GKAP1: variants seen among roughly 807,000 people sequenced by gnomAD.
The protein encoded by GKAP1 is G kinase-anchoring protein 1.
A neutral mutation model predicts 56.7 loss-of-function variants in GKAP1; 31 were observed. That is an observed-to-expected ratio of 0.55 (90% CI 0.41 to 0.74). The LOEUF is 0.74. Among genes scored for constraint, GKAP1 ranks in the 30% least tolerant of loss-of-function variants. GKAP1 has a pLI of 0.00. For missense variants in GKAP1, 364 were observed against 402.3 expected (o/e 0.90, Z 0.82); for synonymous variants, 151 against 138.6 (o/e 1.09, Z -0.63).
At chr9:83,779,142 A>G (rs1185753699) in intron 7 of GKAP1, among the ~76,000 whole-genome samples, 1 of 152,010 alleles carries the variant, frequency 6.6e-6, no homozygotes, top group African/African-American at 2.4e-5. Context: ...AATCAGTTCA[A>G]AAGTATGTTT....
At chr9:83,753,081 CATAA>C (rs150832700) in intron 9 of GKAP1, among the ~76,000 whole-genome samples, 173 bp downstream of exon 9, 5 of 149,490 alleles carry the variant, frequency 3.3e-5, no homozygotes, top group African/African-American at 1.2e-4. Context: ...ACAACAACAA[CATAA>C]ATAAATAAAT....
intron 2 of GKAP1, among the ~76,000 whole-genome samples, chr9:83,814,417 A>T (rs1216412113): frequency 2.0e-5 from 3 of 152,218 alleles, no homozygotes; most frequent in East Asian, 1.9e-4. Flanking sequence ...AGGTGCTAGC[A>T]TATCTATGAA....
At position 83,779,441 on chromosome 9, in the gene GKAP1, A is replaced by G. The variant is rs1490268614; in HGVS notation, c.585+941T>C. On this transcript the variant is annotated intron_variant, in intron 7 of 12. Coordinates refer to ENST00000376371, the MANE Select transcript of GKAP1 (RefSeq NM_025211.4). ...GGTCAGAAGCCATATATATATATAT[A>G]TATATATACACACACACACACACGC... Among the ~76,000 whole-genome samples the G allele has an allele frequency of 4.1e-5, 4 of 98,272 alleles. No individual in the cohort carries two copies. In the Admixed American group the frequency reaches 4.2e-4, roughly 10 times the overall value. 64.5% of individuals were successfully genotyped at this position (98,272 alleles called of 152,430 possible). A position where few individuals can be genotyped will look rare whatever the true frequency, so the allele number is the denominator to read the frequency against.
At chr9:83,795,012 C>T (rs1400766215) in intron 4 of GKAP1, among the ~76,000 whole-genome samples, 2 of 151,828 alleles carry the variant, frequency 1.3e-5, no homozygotes, top group African/African-American at 2.4e-5. Context: ...AAAAACTAGC[C>T]GGGCGTGGTG....
intron 8 of GKAP1, among the ~76,000 whole-genome samples, chr9:83,758,816 T>C (rs1435292973): frequency 6.6e-6 from 1 of 151,480 alleles, no homozygotes; most frequent in African/African-American, 2.4e-5. Flanking sequence ...ATGCCTAATA[T>C]ATTAATGTAT....
At chr9:83,784,980 T>C (rs1053846592) in intron 5 of GKAP1, 142 bp from the exon 6 acceptor site, 29 of 541,108 alleles carry the variant, frequency 5.4e-5, no homozygotes, top group African/African-American at 5.1e-4. Flanking sequence ...CCAAATTGTA[T>C]AAAGAGATAC....
chr9:83,781,770 T>C (rs937515315), intron 6 of GKAP1, among the ~76,000 whole-genome samples: 2 of 152,144 alleles, frequency 1.3e-5, no homozygotes, highest in African/African-American at 4.8e-5. Context: ...ATTTAAGAAA[T>C]CAAATGTGGA....
chr9:83,761,320 T>A (rs1167057456), intron 8 of GKAP1, among the ~76,000 whole-genome samples: 2 of 151,872 alleles, frequency 1.3e-5, no homozygotes, highest in African/African-American at 4.8e-5. Context: ...AATTGGAAAA[T>A]CTAGAGAAAA....
At chr9:83,812,672 A>G (rs1944528581) in intron 2 of GKAP1, among the ~76,000 whole-genome samples, 1 of 151,846 alleles carries the variant, frequency 6.6e-6, no homozygotes, top group African/African-American at 2.4e-5. Flanking sequence ...AAAAAAAAAG[A>G]AAAACAACCT....
chr9:83,781,558 C>T, intron 6 of GKAP1, among the ~76,000 whole-genome samples: 1 of 152,120 alleles, frequency 6.6e-6, no homozygotes, highest in Non-Finnish European at 1.5e-5. Context: ...TGTCCATAAA[C>T]ACAGTAAATG....
chr9:83,747,096 A>G (rs1283625323), intron 10 of GKAP1, among the ~76,000 whole-genome samples: 2 of 152,216 alleles, frequency 1.3e-5, no homozygotes, highest in Non-Finnish European at 2.9e-5. Context: ...TTTCTCCTTT[A>G]TGTCTTAATC....
chr9:83,786,145 T>C (rs140962189), intron 5 of GKAP1, among the ~76,000 whole-genome samples: 1 of 152,280 alleles, frequency 6.6e-6, no homozygotes, highest in African/African-American at 2.4e-5. Flanking sequence ...ACTGAGAACA[T>C]ACATCTCTCA....
At chr9:83,771,294 G>C (rs1365639585) in intron 7 of GKAP1, among the ~76,000 whole-genome samples, 1 of 151,610 alleles carries the variant, frequency 6.6e-6, no homozygotes, top group Non-Finnish European at 1.5e-5. Context: ...ATGTTGGCCA[G>C]TGGGTCTCAA....
intron 4 of GKAP1, 97 bp downstream of exon 4, chr9:83,799,088 T>C (rs921917781): frequency 2.2e-5 from 22 of 996,006 alleles, no homozygotes; most frequent in Non-Finnish European, 3.0e-5. Context: ...TACAAATTGC[T>C]TCTCAGAACA....
intron 10 of GKAP1, among the ~76,000 whole-genome samples, chr9:83,743,067 G>C (rs1943234934): frequency 6.6e-6 from 1 of 152,140 alleles, no homozygotes; most frequent in African/African-American, 2.4e-5. Flanking sequence ...GAAGGCTGAG[G>C]CATAAGGATC....
chr9:83,806,589 G>T, intron 2 of GKAP1, 29 bp from the exon 3 acceptor site: 1 of 1,257,088 alleles, frequency 8.0e-7, no homozygotes, highest in Non-Finnish European at 1.1e-6. Flanking sequence ...GTAGGCAGAT[G>T]GGTAAACAAA....
At chr9:83,773,639 G>A (rs79968691) in intron 7 of GKAP1, among the ~76,000 whole-genome samples, 1,777 of 152,030 alleles carry the variant, frequency 0.012, 39 homozygotes, top group African/African-American at 0.04. Flanking sequence ...TTCGTGCCTC[G>A]ACAAGGTAAC....
At chr9:83,805,909 G>A (rs541728714) in intron 3 of GKAP1, among the ~76,000 whole-genome samples, 2 of 152,252 alleles carry the variant, frequency 1.3e-5, no homozygotes, top group East Asian at 3.9e-4. Flanking sequence ...TTGAGCCCAG[G>A]TGTTCAAGAC....
intron 10 of GKAP1, among the ~76,000 whole-genome samples, chr9:83,744,238 T>C (rs948231413): frequency 2.3e-4 from 35 of 152,204 alleles, no homozygotes; most frequent in Non-Finnish European, 2.1e-4. Context: ...CTATAATGCT[T>C]GTTTTGAAAA....
Sources: gnomAD v4.1 joint callset for allele counts (sites outside exome capture counted in the v4.1 genomes callset) on GRCh38, gnomAD v4.1.1 for gene constraint, MANE v1.5 for transcripts, NCBI Gene and HGNC (gene_info 2026-07-23, HGNC 2026-07-21) for gene names.